Variants in N4BP1 observed in about 807,000 individuals in gnomAD.
N4BP1 encodes NEDD4 binding protein 1, also known as NEDD4-binding protein 1.
N4BP1 carries 21 observed loss-of-function variants against 70.9 expected under a neutral mutation model. The ratio of observed to expected loss-of-function variants is 0.30; its 90% CI spans 0.21 to 0.43. The LOEUF is 0.43. Among genes scored for constraint, N4BP1 ranks in the 20% least tolerant of loss-of-function variants. The probability of loss-of-function intolerance (pLI) is 1.00; values close to 1 mark genes in which losing one functional copy is unlikely to be tolerated. For synonymous variants in N4BP1, 387 were observed against 394.6 expected, an observed-to-expected ratio of 0.98 and a Z score of 0.23; for missense variants, 936 against 1,069.4, an observed-to-expected ratio of 0.88 and a Z score of 1.74.
intron 1 of N4BP1, among the ~76,000 whole-genome samples, chr16:48,572,845 A>G (rs1964038508): frequency 6.6e-6 from 1 of 152,194 alleles, no homozygotes; most frequent in Non-Finnish European, 1.5e-5. Flanking sequence ...AAATTTCAGG[A>G]AAGGCTTGGG....
chr16:48,585,197 T>C (rs1010390001), intron 1 of N4BP1, among the ~76,000 whole-genome samples: 3 of 152,158 alleles, frequency 2.0e-5, no homozygotes, highest in African/African-American at 7.2e-5. Context: ...CCTCCCAAAG[T>C]GCTAGGATTA....
intron 1 of N4BP1, among the ~76,000 whole-genome samples, chr16:48,564,607 T>G (rs1424680710): frequency 6.6e-6 from 1 of 152,242 alleles, no homozygotes; most frequent in African/African-American, 2.4e-5. Flanking sequence ...TTGCTCCCTC[T>G]TTATAATTTT....
chr16:48,585,939 G>A (rs534608187), intron 1 of N4BP1, among the ~76,000 whole-genome samples: 10 of 152,016 alleles, frequency 6.6e-5, no homozygotes, highest in East Asian at 1.9e-4. Flanking sequence ...CAAGTGATCC[G>A]CCCGCCTCGG....
At position 48,541,857 on chromosome 16, in the gene N4BP1, G is replaced by C. The variant is rs1963504115; in HGVS notation, c.*1047C>G. The C allele has an allele frequency of 6.6e-6, 1 of 152,602 alleles. No individual in the cohort carries two copies. The highest frequency in any genetic ancestry group is 1.5e-5 in the Non-Finnish European group (1 of 68,034). The allele number at this position is 152,602 out of a possible 1,614,324, so 9.5% of individuals were successfully genotyped here. On this transcript the variant is annotated 3_prime_UTR_variant, in exon 7 of 7. Transcript: ENST00000262384. ...ACAAACACAGGGAAAATAAATACAG[G>C]GGCTCTGGGATCCCCCCACAGAAGC...
chr16:48,606,799 A>G (rs948653975), intron 1 of N4BP1, among the ~76,000 whole-genome samples: 4 of 152,224 alleles, frequency 2.6e-5, no homozygotes. Context: ...GGTGGGACAC[A>G]AGACAGTTCA....
chr16:48,550,921 G>GAA (rs111917199), intron 4 of N4BP1, among the ~76,000 whole-genome samples: 1 of 133,348 alleles, frequency 7.5e-6, no homozygotes. Flanking sequence ...TCCATCTCAA[G>GAA]AAAAAAAAAA....
intron 1 of N4BP1, chr16:48,577,381 C>G (rs1272376677): frequency 6.6e-6 from 1 of 152,370 alleles, no homozygotes; most frequent in Non-Finnish European, 1.5e-5. Context: ...CTTTCCTGGT[C>G]CTCTCCCTCA....
chr16:48,562,516 A>G, intron 1 of N4BP1, 72 bp from the exon 2 acceptor site: 2 of 1,240,446 alleles, frequency 1.6e-6, no homozygotes, highest in Non-Finnish European at 2.2e-6. Context: ...TTACCATGTA[A>G]CTACAAATGT....
At chr16:48,590,667 T>C (rs1048350156) in intron 1 of N4BP1, among the ~76,000 whole-genome samples, 2 of 152,186 alleles carry the variant, frequency 1.3e-5, no homozygotes, top group Non-Finnish European at 2.9e-5. Context: ...TGCATGAATT[T>C]AATTGCAATG....
intron 1 of N4BP1, among the ~76,000 whole-genome samples, chr16:48,582,525 A>G (rs1241661309): frequency 1.3e-5 from 2 of 152,186 alleles, no homozygotes. Context: ...CGCCAAAGAG[A>G]AGCAATAAAT....
intron 1 of N4BP1, among the ~76,000 whole-genome samples, chr16:48,583,349 T>G (rs1184847331): frequency 6.6e-6 from 1 of 152,186 alleles, no homozygotes; most frequent in Non-Finnish European, 1.5e-5. Flanking sequence ...CTAAAAAAGT[T>G]GGTCTCCTAC....
intron 1 of N4BP1, among the ~76,000 whole-genome samples, chr16:48,598,455 C>CA (rs2151101512): frequency 6.6e-6 from 1 of 151,878 alleles, no homozygotes; most frequent in Admixed American, 6.6e-5. Context: ...AGGGGTGATA[C>CA]AAAAAAGGAA....
intron 1 of N4BP1, among the ~76,000 whole-genome samples, chr16:48,577,003 A>G (rs1597103176): frequency 6.6e-6 from 1 of 152,164 alleles, no homozygotes; most frequent in Admixed American, 6.5e-5. Context: ...GCCTCAAGCA[A>G]TCCTCCTGCC....
chr16:48,600,623 G>C, intron 1 of N4BP1: 1 of 535,880 alleles, frequency 1.9e-6, no homozygotes, highest in Non-Finnish European at 3.6e-6. Flanking sequence ...GCAGTTACAA[G>C]AGAATGTGGA....
At chr16:48,548,837 CAAAAAAAAAAAA>C (rs34869645) in intron 4 of N4BP1, among the ~76,000 whole-genome samples, 1 of 71,748 alleles carries the variant, frequency 1.4e-5, no homozygotes. Flanking sequence ...GAGACTGCTT[CAAAAAAAAAAAA>C]AAAAAAAAAT....
intron 4 of N4BP1, 134 bp from the exon 5 acceptor site, chr16:48,548,248 G>A: frequency 1.6e-6 from 1 of 617,750 alleles, no homozygotes; most frequent in Non-Finnish European, 2.9e-6. Flanking sequence ...CCACAGAAAA[G>A]TTTAGCCCCT....
At chr16:48,556,352 T>TG (rs2151087848) in intron 2 of N4BP1, among the ~76,000 whole-genome samples, 1 of 152,340 alleles carries the variant, frequency 6.6e-6, no homozygotes, top group Admixed American at 6.5e-5. Context: ...TCCTATACCC[T>TG]GAGCAGGCAG....
rs964566974 is a variant in N4BP1 at position 48,585,374 on chromosome 16, C to A, written c.199-22930G>T. ...AAATTTGGCCCAGTGTGGTGGCTCA[C>A]ATCTGTAATCCCAGCAATTTGGGAG... On this transcript the variant is annotated intron_variant, in intron 1 of 6. Coordinates refer to ENST00000262384, the MANE Select transcript of N4BP1 (RefSeq NM_153029.4). 5.3e-5 allele frequency among the ~76,000 whole-genome samples: 8 copies of A among 151,690 alleles called. No individual in the cohort carries two copies. In the East Asian group the frequency reaches 1.4e-3, roughly 26 times the overall value.
At chr16:48,564,606 C>G (rs1120276) in intron 1 of N4BP1, among the ~76,000 whole-genome samples, 61,297 of 152,034 alleles carry the variant, frequency 0.4, 13,320 homozygotes, top group African/African-American at 0.56. Context: ...TTTGCTCCCT[C>G]TTTATAATTT....
Sources: gnomAD v4.1 joint callset for allele counts (sites outside exome capture counted in the v4.1 genomes callset) on GRCh38, gnomAD v4.1.1 for gene constraint, MANE v1.5 for transcripts, NCBI Gene and HGNC (gene_info 2026-07-23, HGNC 2026-07-21) for gene names.